RNF150: variants seen among roughly 807,000 people sequenced by gnomAD.
The protein encoded by RNF150 is ring finger protein 150.
A neutral mutation model predicts 39.3 loss-of-function variants in RNF150; 24 were observed. The observed-to-expected ratio is 0.61, with a 90% CI of 0.44 to 0.86. RNF150 has a LOEUF of 0.86. RNF150 is among the 40% of genes least tolerant of loss of function. RNF150 has a pLI of 0.00. For synonymous variants in RNF150, 255 were observed against 227.3 expected, an observed-to-expected ratio of 1.12 and a Z score of -1.10; for missense variants, 502 against 587.8, an observed-to-expected ratio of 0.85 and a Z score of 1.51.
rs1276143805 is a variant in RNF150, at chr4:141,101,619, C to T, written c.484+30706G>A. 2.0e-5 allele frequency among the ~76,000 whole-genome samples: 3 copies of T among 152,086 alleles called. 1 individual carries two copies. Among genetic ancestry groups the T allele is most frequent in the Non-Finnish European group, 4.4e-5 (3 of 68,012 alleles). ...TGTAACATAGCTTTATTATTATGTA[C>T]TGTACATAATTGTATGTGCTACACT... On this transcript the variant is annotated intron_variant, in intron 1 of 6. Coordinates refer to ENST00000515673, the MANE Select transcript of RNF150 (RefSeq NM_020724.2).
chr4:141,048,503 G>A (rs1736664029), intron 1 of RNF150, among the ~76,000 whole-genome samples: 1 of 152,114 alleles, frequency 6.6e-6, no homozygotes, highest in Non-Finnish European at 1.5e-5. Context: ...GAACAAGGCG[G>A]GAGGACTGCA....
rs762860233 is a variant in RNF150, at chr4:140,871,002, CTATA to C, written c.1199-2627_1199-2624del. Among the ~76,000 whole-genome samples the C allele has an allele frequency of 9.4e-3, 1,362 of 144,336 alleles. 22 individuals carry two copies. Among genetic ancestry groups the C allele is most frequent in the African/African-American group, 0.029 (1,097 of 37,192 alleles). 94.7% of individuals were successfully genotyped at this position (144,336 alleles called of 152,430 possible). ...GAATTCTCTCTCTCTCTCTCTCTCTCTATATATATATATATGTATACACACACAC... is the reference window on the plus strand; with the variant it reads ...GAATTCTCTCTCTCTCTCTCTCTCTCTATATATATATGTATACACACACAC... On this transcript the variant is annotated intron_variant, in intron 6 of 6. Coordinates refer to ENST00000515673, the MANE Select transcript of RNF150 (RefSeq NM_020724.2).
At chr4:140,978,427 G>A (rs145345758) in intron 1 of RNF150, among the ~76,000 whole-genome samples, 1 of 152,234 alleles carries the variant, frequency 6.6e-6, no homozygotes, top group African/African-American at 2.4e-5. Context: ...TCTCACTGAT[G>A]TCAATTCCTC....
chr4:141,094,297 T>C (rs1738696974), intron 1 of RNF150, among the ~76,000 whole-genome samples: 1 of 152,200 alleles, frequency 6.6e-6, no homozygotes, highest in South Asian at 2.1e-4. Flanking sequence ...AGGGAAGATA[T>C]TGAAAGTAGC....
chr4:141,035,300 C>T (rs1736099048), intron 1 of RNF150, among the ~76,000 whole-genome samples: 1 of 152,098 alleles, frequency 6.6e-6, no homozygotes, highest in African/African-American at 2.4e-5. Context: ...TGGTGTGAGC[C>T]AGAATGAAAA....
At chr4:141,117,622 A>G (rs1400470348) in intron 1 of RNF150, among the ~76,000 whole-genome samples, 12 of 152,246 alleles carry the variant, frequency 7.9e-5, no homozygotes, top group Non-Finnish European at 1.6e-4. Context: ...CTGATGATAC[A>G]TTTCTCAGAA....
At chr4:140,906,921 G>A (rs909393462) in intron 6 of RNF150, among the ~76,000 whole-genome samples, 2 of 152,140 alleles carry the variant, frequency 1.3e-5, no homozygotes, top group South Asian at 4.1e-4. Flanking sequence ...AATGAATGGC[G>A]AGGTCAACAA....
intron 5 of RNF150, among the ~76,000 whole-genome samples, chr4:140,915,891 T>C (rs1027012625): frequency 2.7e-4 from 41 of 152,292 alleles, no homozygotes; most frequent in African/African-American, 9.6e-4. Flanking sequence ...GGTTCACCAA[T>C]ATCTGCTGTT....
intron 1 of RNF150, among the ~76,000 whole-genome samples, chr4:141,103,528 A>T (rs921934035): frequency 9.2e-5 from 14 of 152,142 alleles, no homozygotes; most frequent in Middle Eastern, 3.2e-3. Flanking sequence ...GAACGGAGAA[A>T]AGACCATCAT....
chr4:141,083,497 T>C (rs1236693865), intron 1 of RNF150, among the ~76,000 whole-genome samples: 1 of 152,174 alleles, frequency 6.6e-6, no homozygotes, highest in Non-Finnish European at 1.5e-5. Flanking sequence ...AATGCTGGCT[T>C]TACCTTGTTT....
chr4:141,108,859 T>C (rs1356720275), intron 1 of RNF150, among the ~76,000 whole-genome samples: 1 of 152,254 alleles, frequency 6.6e-6, no homozygotes, highest in African/African-American at 2.4e-5. Context: ...AGACAGGGCA[T>C]CCATCCCATA....
chr4:141,050,996 G>A (rs545241325), intron 1 of RNF150, among the ~76,000 whole-genome samples: 2 of 152,260 alleles, frequency 1.3e-5, no homozygotes, highest in East Asian at 3.9e-4. Context: ...GGGCATCCAG[G>A]TGTTTCCATA....
chr4:140,917,619 T>C (rs1383096190), intron 5 of RNF150, among the ~76,000 whole-genome samples: 4 of 152,140 alleles, frequency 2.6e-5, no homozygotes, highest in Non-Finnish European at 5.9e-5. Flanking sequence ...CTGTCAACAT[T>C]AGACAGATCA....
At chr4:141,177,054 G>GAAAAAAA (rs5862514) in intron 1 of RNF150, among the ~76,000 whole-genome samples, 6 of 111,690 alleles carry the variant, frequency 5.4e-5, no homozygotes, top group Admixed American at 3.0e-4. Context: ...TGTCTCCTAG[G>GAAAAAAA]AAAAAAAAAA....
chr4:141,089,666 T>C (rs900621562), intron 1 of RNF150, among the ~76,000 whole-genome samples: 25 of 152,324 alleles, frequency 1.6e-4, no homozygotes, highest in African/African-American at 4.8e-4. Flanking sequence ...TGTAATCGTG[T>C]GAAGGTACAG....
chr4:140,925,072 T>C (rs1442438227), intron 5 of RNF150, among the ~76,000 whole-genome samples: 1 of 152,338 alleles, frequency 6.6e-6, no homozygotes, highest in South Asian at 2.1e-4. Context: ...CAGTGAGGAA[T>C]GACAATAGGC....
intron 5 of RNF150, among the ~76,000 whole-genome samples, chr4:140,923,767 T>C (rs1179030291): frequency 2.6e-5 from 4 of 152,156 alleles, no homozygotes; most frequent in Non-Finnish European, 4.4e-5. Flanking sequence ...GTGGCACATA[T>C]ACACCATGGA....
chr4:140,936,872 G>T (rs925817787), intron 4 of RNF150, among the ~76,000 whole-genome samples: 1 of 152,118 alleles, frequency 6.6e-6, no homozygotes, highest in Admixed American at 6.6e-5. Context: ...ATATATCAAA[G>T]AAATCAAACA....
chr4:141,067,601 T>C (rs1737512886), intron 1 of RNF150, among the ~76,000 whole-genome samples: 1 of 152,164 alleles, frequency 6.6e-6, no homozygotes, highest in South Asian at 2.1e-4. Flanking sequence ...TCATCTCCTA[T>C]TGTTGAGGAA....
Sources: gnomAD v4.1 joint callset for allele counts (sites outside exome capture counted in the v4.1 genomes callset) on GRCh38, gnomAD v4.1.1 for gene constraint, MANE v1.5 for transcripts, NCBI Gene and HGNC (gene_info 2026-07-23, HGNC 2026-07-21) for gene names.